The following SLC6A20 variants were observed in gnomAD, a reference collection of about 807,000 sequenced individuals.
The protein encoded by SLC6A20 is solute carrier family 6 member 20.
SLC6A20 carries 73 observed loss-of-function variants against 64.3 expected under a neutral mutation model. The observed-to-expected ratio is 1.14, with a 90% CI of 0.94 to 1.38. The LOEUF (loss-of-function observed/expected upper bound fraction) is 1.38, where lower values mean the gene tolerates loss of function less well. Ranked by LOEUF, SLC6A20 falls within the 40% of genes most tolerant of loss-of-function variation. SLC6A20 has a pLI of 0.00. For missense variants in SLC6A20, 725 were observed against 772.8 expected (o/e 0.94, Z 0.73); for synonymous variants, 347 against 329.6 (o/e 1.05, Z -0.57).
rs1434663953 is a variant in SLC6A20, at chr3:45,758,428, CTT to C, written c.*548_*549del. Reference sequence around the variant, plus strand: ...CCCTTTGGGGGTCCCAGACAAAGATCTTCTTTCTTTATAACTTGTCATCCTAA... The same window carrying C: ...CCCTTTGGGGGTCCCAGACAAAGATCCTTTCTTTATAACTTGTCATCCTAA... On this transcript the variant is annotated 3_prime_UTR_variant, in exon 11 of 11. Transcript: ENST00000358525. The C allele has an allele frequency of 7.8e-7, 1 of 1,277,518 alleles. No individual in the cohort carries two copies. The allele number at this position is 1,277,518 out of a possible 1,614,324, so 79.1% of individuals were successfully genotyped here.
intron 7 of SLC6A20, among the ~76,000 whole-genome samples, chr3:45,768,868 A>G (rs1325104995): frequency 3.9e-5 from 6 of 152,256 alleles, no homozygotes; most frequent in Admixed American, 3.9e-4. Flanking sequence ...AATTAGGCAA[A>G]TATGCCCACT....
At chr3:45,796,230 C>G (rs943787137) in intron 1 of SLC6A20, 69 bp downstream of exon 1, 1 of 1,545,572 alleles carries the variant, frequency 6.5e-7, no homozygotes, top group Non-Finnish European at 8.7e-7. Context: ...TTGGGTCTAA[C>G]CCCGGCTCGC....
At chr3:45,777,137 T>C (rs1202018936) in intron 3 of SLC6A20, among the ~76,000 whole-genome samples, 1 of 152,184 alleles carries the variant, frequency 6.6e-6, no homozygotes, top group Non-Finnish European at 1.5e-5. Flanking sequence ...AAACGCATCA[T>C]TAATGGAAGC....
intron 3 of SLC6A20, among the ~76,000 whole-genome samples, chr3:45,777,168 G>A (rs1357254549): frequency 1.3e-5 from 2 of 152,174 alleles, no homozygotes; most frequent in African/African-American, 4.8e-5. Flanking sequence ...ACCCCACTGG[G>A]CTCAATCCCA....
intron 10 of SLC6A20, among the ~76,000 whole-genome samples, chr3:45,759,533 C>T (rs902555857): frequency 6.6e-6 from 1 of 152,218 alleles, no homozygotes; most frequent in Non-Finnish European, 1.5e-5. Flanking sequence ...CTGTCTGCTG[C>T]GGTAGGCGCG....
chr3:45,778,190 T>C (rs543976166), intron 3 of SLC6A20, among the ~76,000 whole-genome samples: 2 of 151,940 alleles, frequency 1.3e-5, no homozygotes, highest in Admixed American at 6.6e-5. Context: ...AGGGAGTGAG[T>C]AGACAGGAGC....
rs1410762073 is a variant in SLC6A20, at chr3:45,771,392, G to A, written c.760C>T (p.Leu254=). ...AAGGCGATCAGGCTGCCGAAGCCCA[G>A]GCCAAGTGAGAAGAAGATCTGGGTG... ...AATQIFFSLG[L]GFGSLIAFAS... The change falls in exon 6 of 11, where the codon CTG becomes TTG. Residue 254 remains leucine (L), a synonymous_variant. Coordinates refer to ENST00000358525, the MANE Select transcript of SLC6A20 (RefSeq NM_020208.4). 1 of 1,614,122 alleles carries A rather than the reference G, an allele frequency of 6.2e-7. No homozygotes were observed. The highest frequency in any genetic ancestry group is 8.5e-7 in the Non-Finnish European group (1 of 1,180,050).
intron 2 of SLC6A20, among the ~76,000 whole-genome samples, chr3:45,780,832 C>T (rs1268336118): frequency 2.0e-5 from 3 of 152,146 alleles, no homozygotes; most frequent in South Asian, 2.1e-4. Context: ...CATAGGCATC[C>T]GCAAATGCTA....
chr3:45,775,863 G>C lies in SLC6A20; in HGVS notation c.480C>G (p.Leu160=), dbSNP rs1220747880. 1.2e-6 allele frequency: 2 copies of C among 1,614,204 alleles called. No homozygotes were observed. Among genetic ancestry groups the C allele is most frequent in the South Asian group, 1.1e-5 (1 of 91,090 alleles). Residue 160 remains leucine (L), a synonymous_variant, in exon 4 of 11, where the codon CTC becomes CTG. Coordinates refer to ENST00000358525, the MANE Select transcript of SLC6A20 (RefSeq NM_020208.4). ...CCCACTGCACACCCCCGTTCTCCTG[G>C]AGGGACGGCGAGATATTGAGGGTTT... ...YRKTLNISPS[L]QENGGVQWEP...
rs1700351623 is a variant in SLC6A20 at position 45,796,482 on chromosome 3, G to T, written c.-63C>A. 5 of 1,515,212 alleles carry T rather than the reference G, an allele frequency of 3.3e-6. No individual in the cohort carries two copies. The Middle Eastern group carries it at 5.2e-4, about 158-fold the overall frequency. The allele number at this position is 1,515,212 out of a possible 1,614,324, so 93.9% of individuals were successfully genotyped here. ...TCCGGCACGGCAGTCTCAGTGCGCG[G>T]TCGCCAGGCGCGCCGTCCCACCCCG... On this transcript the variant is annotated 5_prime_UTR_variant, in exon 1 of 11. Coordinates refer to ENST00000358525, the MANE Select transcript of SLC6A20 (RefSeq NM_020208.4).
intron 1 of SLC6A20, among the ~76,000 whole-genome samples, chr3:45,786,669 A>T (rs1575436863): frequency 6.6e-6 from 1 of 152,342 alleles, no homozygotes; most frequent in East Asian, 1.9e-4. Context: ...TAACTATCCT[A>T]TTTCTCATAC....
At chr3:45,769,204 T>C (rs1363534000) in intron 7 of SLC6A20, among the ~76,000 whole-genome samples, 1 of 152,174 alleles carries the variant, frequency 6.6e-6, no homozygotes, top group Non-Finnish European at 1.5e-5. Context: ...AAGACATTCA[T>C]AGAGAAAGTT....
Position 45,759,032 on chromosome 3 carries a change from C to T in SLC6A20, c.1725G>A (p.Leu575=). 1.2e-6 allele frequency: 2 copies of T among 1,612,618 alleles called. No homozygotes were observed. The highest frequency in any genetic ancestry group is 2.2e-5 in the South Asian group (2 of 90,628). ...TGAGGCGACGCTGAACAAAAGTCCCCAGGGCCGCCAGGGGGATGCACATGG... is the reference window on the plus strand; with the variant it reads ...TGAGGCGACGCTGAACAAAAGTCCCTAGGGCCGCCAGGGGGATGCACATGG... ...SSTMCIPLAA[L]GTFVQRRLKR... is the part of the protein sequence containing the mutation. The change falls in exon 11 of 11, where the codon CTG becomes CTA. Residue 575 remains leucine (L), a synonymous_variant. Transcript: ENST00000358525.
At chr3:45,792,223 TG>T (rs537006064) in intron 1 of SLC6A20, among the ~76,000 whole-genome samples, 191 of 152,212 alleles carry the variant, frequency 1.3e-3, no homozygotes, top group Middle Eastern at 3.4e-3. Context: ...AATTCTTATT[TG>T]GGGGTCCTAG....
At chr3:45,763,640 C>T (rs546704870) in intron 8 of SLC6A20, among the ~76,000 whole-genome samples, 1 of 152,312 alleles carries the variant, frequency 6.6e-6, no homozygotes, top group East Asian at 1.9e-4. Context: ...TGTCCGGAGC[C>T]CCCTTTCACA....
Position 45,758,337 on chromosome 3 carries a change from G to T in SLC6A20, c.*641C>A. 2.0e-6 allele frequency: 2 copies of T among 1,023,132 alleles called. No individual in the cohort carries two copies. The highest frequency in any genetic ancestry group is 2.6e-6 in the Non-Finnish European group (2 of 758,478). The allele number at this position is 1,023,132 out of a possible 1,614,324, so 63.4% of individuals were successfully genotyped here. A position where few individuals can be genotyped will look rare whatever the true frequency, so the allele number is the denominator to read the frequency against. ...ATGTGGTTTGGGGTTGCAAACTGTA[G>T]TTGGGGCAATTTTTTGTAGAGAGGT... On this transcript the variant is annotated 3_prime_UTR_variant, in exon 11 of 11. Transcript: ENST00000358525.
At position 45,782,142 on chromosome 3, in the gene SLC6A20, C is replaced by T. The variant is rs772631112; in HGVS notation, c.203G>A (p.Arg68His). Residue 68 changes from arginine (R) to histidine (H), a missense_variant, in exon 2 of 11, where the codon CGC becomes CAC. Physicochemically the swap from Arg to His is conservative, Grantham distance 29 (BLOSUM62 0). Coordinates refer to ENST00000358525, the MANE Select transcript of SLC6A20 (RefSeq NM_020208.4). ...LLYLELAVGQ[R>H]MRQGSIGAWR... Reference sequence around the variant, plus strand: ...GGCGCCGATGCTGCCCTGCCGCATGCGCTGCCCCACAGCCAGTTCCAGGTA... The same window carrying T: ...GGCGCCGATGCTGCCCTGCCGCATGTGCTGCCCCACAGCCAGTTCCAGGTA... 19 of 1,613,666 alleles carry T rather than the reference C, an allele frequency of 1.2e-5. No homozygotes were observed. The highest frequency in any genetic ancestry group is 8.9e-5 in the East Asian group (4 of 44,858).
At chr3:45,777,206 C>T (rs1051627149) in intron 3 of SLC6A20, among the ~76,000 whole-genome samples, 10 of 152,264 alleles carry the variant, frequency 6.6e-5, no homozygotes, top group Non-Finnish European at 1.0e-4. Context: ...AACCAAGGCC[C>T]GGGGTATCAC....
At position 45,765,456 on chromosome 3, in the gene SLC6A20, C is replaced by A; in HGVS notation, c.1303+81G>T. ...GTAGCCACCTGAACCAGCCCATGAC[C>A]CCTGAGGGAGCTCTCCCCTGTTCAC... On this transcript the variant is annotated intron_variant, in intron 8 of 10. Coordinates refer to ENST00000358525, the MANE Select transcript of SLC6A20 (RefSeq NM_020208.4). This position sits in a 1 kb window ranked among gnomAD's most constrained non-coding sequence, Gnocchi z 4.2. 2 of 1,490,676 alleles carry A rather than the reference C, an allele frequency of 1.3e-6. No homozygotes were observed. The highest frequency in any genetic ancestry group is 1.8e-6 in the Non-Finnish European group (2 of 1,101,750). The allele number at this position is 1,490,676 out of a possible 1,614,324, so 92.3% of individuals were successfully genotyped here. A position where few individuals can be genotyped will look rare whatever the true frequency, so the allele number is the denominator to read the frequency against.
Sources: gnomAD v4.1 joint callset for allele counts (sites outside exome capture counted in the v4.1 genomes callset) on GRCh38, gnomAD v4.1.1 for gene constraint, Gnocchi (gnomAD v3.1) non-coding constraint, MANE v1.5 for transcripts, NCBI Gene and HGNC (gene_info 2026-07-23, HGNC 2026-07-21) for gene names.